ABCB4: variants seen among roughly 807,000 people sequenced by gnomAD.
ABCB4 encodes phosphatidylcholine translocator ABCB4.
ABCB4 carries 76 observed loss-of-function variants against 145.7 expected under a neutral mutation model. The observed-to-expected ratio is 0.52, with a 90% confidence interval of 0.43 to 0.63. ABCB4 has a LOEUF of 0.63. Ranked by LOEUF, ABCB4 falls within the 30% of genes least tolerant of loss-of-function variation. ABCB4 has a pLI of 0.00. For missense variants in ABCB4, 1,234 were observed against 1,553.1 expected, an observed-to-expected ratio of 0.79 and a Z score of 3.45; for synonymous variants, 517 against 566.8, an observed-to-expected ratio of 0.91 and a Z score of 1.25.
downstream of ABCB4, chr7:87,399,425 G>T (rs1168073279): frequency 2.0e-5 from 3 of 152,250 alleles, no homozygotes; most frequent in Admixed American, 2.0e-4. Context: ...GCAGTGAGCT[G>T]TGATGTGCCC....
intron 3 of ABCB4, among the ~76,000 whole-genome samples, chr7:87,470,062 CCA>C (rs1813250378): frequency 6.6e-6 from 1 of 152,126 alleles, no homozygotes; most frequent in Admixed American, 6.5e-5. Context: ...AGAAATAATA[CCA>C]TACATCTACA....
the ABCB4 span, among the ~76,000 whole-genome samples, chr7:87,378,600 A>G: frequency 1.3e-5 from 2 of 152,188 alleles, no homozygotes. Context: ...ACAGTCTCAT[A>G]TCTTCATAGC....
chr7:87,416,974 TAC>T (rs1170296395), intron 21 of ABCB4, among the ~76,000 whole-genome samples: 2 of 152,230 alleles, frequency 1.3e-5, no homozygotes, highest in East Asian at 1.9e-4. Context: ...ACAATTCACT[TAC>T]AGTCTTCTGC....
At chr7:87,392,429 G>A in the ABCB4 span, 354 of 686,234 alleles carry the variant, frequency 5.2e-4, no homozygotes, top group Non-Finnish European at 7.9e-4. Context: ...AAAGATATAG[G>A]AGTATGTGTT....
chr7:87,398,101 G>GC (rs1380942659), downstream of ABCB4, among the ~76,000 whole-genome samples: 1 of 68,610 alleles, frequency 1.5e-5, no homozygotes. Context: ...ATCCTTCTCT[G>GC]CCTTTTTTTT....
rs1414387532 is a variant in ABCB4 at position 87,469,577 on chromosome 7, AACAG to A, written c.135+3040_135+3043del. Among the ~76,000 whole-genome samples, 11 of 152,278 alleles carry A rather than the reference AACAG, an allele frequency of 7.2e-5. No homozygotes were observed. In the South Asian group the frequency reaches 1.5e-3, roughly 20 times the overall value. ...ATCACAAGCATTCTTATACATCAAT[AACAG>A]ACAGAGAGCCAAATCATGAGTGAAC... On this transcript the variant is annotated intron_variant, in intron 3 of 27. Coordinates refer to ENST00000649586, the MANE Select transcript of ABCB4 (RefSeq NM_000443.4).
At chr7:87,465,646 C>T (rs1458302402) in intron 3 of ABCB4, among the ~76,000 whole-genome samples, 5 of 152,200 alleles carry the variant, frequency 3.3e-5, no homozygotes, top group Admixed American at 2.6e-4. Flanking sequence ...TGGGAGGCAC[C>T]ACCCAGTAGG....
At chr7:87,463,221 C>T (rs564545873) in intron 3 of ABCB4, among the ~76,000 whole-genome samples, 143 of 149,636 alleles carry the variant, frequency 9.6e-4, no homozygotes, top group Admixed American at 3.4e-3. Context: ...TAATAAAGAA[C>T]GGCTAGGGAA....
At chr7:87,441,620 C>A (rs1026165885) in intron 12 of ABCB4, among the ~76,000 whole-genome samples, 1 of 151,188 alleles carries the variant, frequency 6.6e-6, no homozygotes, top group African/African-American at 2.4e-5. Flanking sequence ...TTCATTCTGT[C>A]ACTCAGGCTT....
chr7:87,416,426 G>A (rs1446974637), intron 21 of ABCB4, among the ~76,000 whole-genome samples: 1 of 152,148 alleles, frequency 6.6e-6, no homozygotes, highest in Non-Finnish European at 1.5e-5. Context: ...TTTGTAAAGT[G>A]CAATGCTATA....
chr7:87,392,626 G>A, the ABCB4 span: 1 of 1,613,292 alleles, frequency 6.2e-7, no homozygotes, highest in Non-Finnish European at 8.5e-7. Flanking sequence ...AATGATGAAA[G>A]ATTGTTCAGC....
chr7:87,454,954 A>G (rs1812013620), intron 4 of ABCB4, among the ~76,000 whole-genome samples: 1 of 152,208 alleles, frequency 6.6e-6, no homozygotes, highest in African/African-American at 2.4e-5. Context: ...AGAGGAGGGA[A>G]TAAGAAATAT....
At chr7:87,420,199 G>C in intron 18 of ABCB4, 124 bp from the exon 19 acceptor site, 1 of 867,678 alleles carries the variant, frequency 1.2e-6, no homozygotes, top group Non-Finnish European at 1.9e-6. Context: ...GGATCCTCAA[G>C]TCATGTTAAT....
intron 14 of ABCB4, 99 bp downstream of exon 14, chr7:87,439,568 G>A: frequency 2.2e-6 from 3 of 1,360,634 alleles, no homozygotes; most frequent in Non-Finnish European, 3.2e-6. Context: ...AGCTCCATTT[G>A]CTATGTTTCT....
intron 7 of ABCB4, among the ~76,000 whole-genome samples, chr7:87,451,158 T>C (rs1811697977): frequency 1.4e-5 from 2 of 139,650 alleles, no homozygotes; most frequent in Non-Finnish European, 3.1e-5. Flanking sequence ...TTTTTTGAGA[T>C]GAAGTCTTAC....
chr7:87,447,547 TGA>T (rs1437067935), intron 8 of ABCB4, among the ~76,000 whole-genome samples: 1 of 152,232 alleles, frequency 6.6e-6, no homozygotes, highest in Non-Finnish European at 1.5e-5. Flanking sequence ...TAAGAGGGAA[TGA>T]GAGAAACCAA....
At chr7:87,380,589 G>A in the ABCB4 span, among the ~76,000 whole-genome samples, 30 of 152,304 alleles carry the variant, frequency 2.0e-4, 1 homozygote, top group Middle Eastern at 6.8e-3. Flanking sequence ...TATTGCCTCT[G>A]TGTAAGTGCA....
downstream of ABCB4, among the ~76,000 whole-genome samples, chr7:87,397,081 T>C (rs1807550486): frequency 6.6e-6 from 1 of 152,176 alleles, no homozygotes; most frequent in Non-Finnish European, 1.5e-5. Flanking sequence ...AGGCTAGGCA[T>C]GGTGGCTCAC....
At chr7:87,455,829 T>G (rs1205649415) in intron 4 of ABCB4, among the ~76,000 whole-genome samples, 6 of 152,132 alleles carry the variant, frequency 3.9e-5, no homozygotes, top group African/African-American at 1.4e-4. Flanking sequence ...CGTGGTGCTG[T>G]GTATCCTCCT....
Sources: allele counts gnomAD v4.1 joint callset (sites outside exome capture counted in the v4.1 genomes callset), GRCh38; gene constraint gnomAD v4.1.1; transcripts MANE v1.5; gene names NCBI Gene and HGNC (gene_info 2026-07-23, HGNC 2026-07-21).